Variants in ACOT7 observed in about 807,000 individuals in gnomAD.
The protein encoded by ACOT7 is cytosolic acyl coenzyme A thioester hydrolase.
ACOT7 carries 12 observed loss-of-function variants against 40.2 expected under a neutral mutation model. The observed-to-expected ratio is 0.30, with a 90% CI of 0.19 to 0.48. The LOEUF (loss-of-function observed/expected upper bound fraction) is 0.48. ACOT7 is among the 20% of genes least tolerant of loss of function. The probability of loss-of-function intolerance (pLI) is 0.99; values close to 1 mark genes in which losing one functional copy is unlikely to be tolerated. For missense variants in ACOT7, 395 were observed against 530.8 expected, an observed-to-expected ratio of 0.74 and a Z score of 2.51; for synonymous variants, 228 against 219.5, an observed-to-expected ratio of 1.04 and a Z score of -0.34.
rs561347085 is a variant in ACOT7 at position 6,304,725 on chromosome 1, C to G, written c.713-9745G>C. Among the ~76,000 whole-genome samples the G allele has an allele frequency of 8.3e-3, 1,094 of 132,334 alleles. 5 individuals are homozygous for G. Among genetic ancestry groups the G allele is most frequent in the Middle Eastern group, 0.042 (11 of 264 alleles). 86.8% of individuals were successfully genotyped at this position (132,334 alleles called of 152,430 possible). On this transcript the variant is annotated intron_variant, in intron 6 of 8. Coordinates refer to ENST00000361521, the MANE Select transcript of ACOT7 (RefSeq NM_007274.4). ...CAGGGTTGGGGGTAAGGTCACAGAT[C>G]AACAGGATCCCAAGGCAGAAGAATT... is the stretch of plus-strand genomic sequence containing the variant.
chr1:6,380,964 T>C (rs1254561082), intron 1 of ACOT7, among the ~76,000 whole-genome samples: 1 of 151,810 alleles, frequency 6.6e-6, no homozygotes, highest in African/African-American at 2.4e-5. Flanking sequence ...GGAGAAATTA[T>C]TTGCAAATCA....
intron 7 of ACOT7, among the ~76,000 whole-genome samples, chr1:6,281,973 C>T (rs1188725651): frequency 2.6e-5 from 4 of 152,176 alleles, no homozygotes; most frequent in East Asian, 3.9e-4. Context: ...CCAGAGTCCT[C>T]CATGCTCAAA....
rs1388684074 is a variant in ACOT7, at chr1:6,275,786, A to AC, written c.1014+5315_1014+5316insG. Among the ~76,000 whole-genome samples the AC allele has an allele frequency of 6.6e-6, 1 of 151,926 alleles. No individual in the cohort carries two copies. The highest frequency in any genetic ancestry group is 1.5e-5 in the Non-Finnish European group (1 of 67,998). ...ATTACTGCCTCCCACTTCCATCCAGAAAACATTTCGGTGGCTAAAGACTGA... is the reference window on the plus strand; with the variant it reads ...ATTACTGCCTCCCACTTCCATCCAGACAAACATTTCGGTGGCTAAAGACTGA... On this transcript the variant is annotated intron_variant, in intron 8 of 8. Transcript: ENST00000361521. The surrounding 1 kb of genome is among the most constrained non-coding windows in gnomAD (Gnocchi z 5.6).
At chr1:6,350,853 G>A (rs1412120707) in intron 1 of ACOT7, among the ~76,000 whole-genome samples, 1 of 152,172 alleles carries the variant, frequency 6.6e-6, no homozygotes, top group Non-Finnish European at 1.5e-5. Flanking sequence ...CCTGGCTCTG[G>A]CTCTTACTTG....
intron 3 of ACOT7, among the ~76,000 whole-genome samples, chr1:6,337,336 C>T (rs1047725975): frequency 6.6e-6 from 1 of 152,254 alleles, no homozygotes; most frequent in Non-Finnish European, 1.5e-5. Flanking sequence ...GCCTCTCCCC[C>T]TCTCAGCCCC....
At chr1:6,276,466 G>A (rs945144544) in intron 8 of ACOT7, among the ~76,000 whole-genome samples, 4 of 151,884 alleles carry the variant, frequency 2.6e-5, no homozygotes, top group Admixed American at 1.3e-4. Flanking sequence ...GAGCGGGTGC[G>A]GCAGCCCCCA....
intron 6 of ACOT7, among the ~76,000 whole-genome samples, chr1:6,296,447 G>A (rs1459894259): frequency 4.1e-5 from 6 of 147,580 alleles, no homozygotes; most frequent in East Asian, 2.0e-4. Flanking sequence ...TTTTTGAGAC[G>A]GAGTCTCGCA....
At chr1:6,267,472 C>T (rs1638886193) in intron 8 of ACOT7, among the ~76,000 whole-genome samples, 1 of 152,172 alleles carries the variant, frequency 6.6e-6, no homozygotes, top group Admixed American at 6.5e-5. Flanking sequence ...TGCCTGCCTG[C>T]CTGCCTGCCT....
At position 6,299,665 on chromosome 1, in the gene ACOT7, A is replaced by AGT. The variant is rs3838286; in HGVS notation, c.713-4687_713-4686dup. ...CAGAGAGAGAGAGAGAGAGAGCGCA[A>AGT]GTGTGTGTGTGTGTGTGTGTGTGTG... On this transcript the variant is annotated intron_variant, in intron 6 of 8. Transcript: ENST00000361521. The surrounding 1 kb of genome is among the most constrained non-coding windows in gnomAD (Gnocchi z 4.1). Among the ~76,000 whole-genome samples the AGT allele has an allele frequency of 0.081, 11,959 of 148,446 alleles. 934 individuals carry two copies. Among genetic ancestry groups the AGT allele is most frequent in the East Asian group, 0.47 (2,367 of 5,002 alleles).
At chr1:6,326,949 A>G (rs1233269292) in intron 5 of ACOT7, among the ~76,000 whole-genome samples, 1 of 151,258 alleles carries the variant, frequency 6.6e-6, no homozygotes, top group Non-Finnish European at 1.5e-5. Flanking sequence ...AAAAAAAAAG[A>G]AAAGAACAAG....
chr1:6,318,903 C>T (rs1334748621), intron 5 of ACOT7, among the ~76,000 whole-genome samples: 1 of 152,194 alleles, frequency 6.6e-6, no homozygotes, highest in Non-Finnish European at 1.5e-5. Context: ...TGACCCTCCA[C>T]CAGGCTCTAG....
At chr1:6,287,074 C>T (rs1639524464) in intron 7 of ACOT7, among the ~76,000 whole-genome samples, 2 of 152,250 alleles carry the variant, frequency 1.3e-5, no homozygotes, top group Admixed American at 1.3e-4. Flanking sequence ...GCATGAGCCA[C>T]CGCGCCCAGC....
chr1:6,365,508 A>T (rs903781686), intron 1 of ACOT7, among the ~76,000 whole-genome samples: 1 of 152,094 alleles, frequency 6.6e-6, no homozygotes, highest in Non-Finnish European at 1.5e-5. Context: ...GGTGGCTCAC[A>T]CCTGTAATCC....
chr1:6,393,172 G>A (rs1642563472), intron 1 of ACOT7, 85 bp downstream of exon 1: 2 of 1,187,422 alleles, frequency 1.7e-6, no homozygotes, highest in South Asian at 4.2e-5. Context: ...CTCGGCGGGT[G>A]GGGACCACAG....
At chr1:6,344,386 T>C (rs1429768698) in intron 2 of ACOT7, among the ~76,000 whole-genome samples, 2 of 152,176 alleles carry the variant, frequency 1.3e-5, no homozygotes, top group East Asian at 3.9e-4. Flanking sequence ...CGGGGACACC[T>C]GGTGATGGCT....
chr1:6,264,757 G>T, intron 8 of ACOT7, 62 bp from the exon 9 acceptor site: 2 of 1,555,530 alleles, frequency 1.3e-6, no homozygotes, highest in South Asian at 2.3e-5. Context: ...CCGTGGCCTT[G>T]TGACCTGGCC....
chr1:6,281,049 A>T (rs1639341751), intron 8 of ACOT7, 53 bp downstream of exon 8: 1 of 1,580,232 alleles, frequency 6.3e-7, no homozygotes, highest in Non-Finnish European at 8.6e-7. Flanking sequence ...AAACACAGGG[A>T]CCCTAGGGCT....
chr1:6,383,880 AT>A lies in ACOT7; in HGVS notation c.143+9376del, dbSNP rs546860289. Among the ~76,000 whole-genome samples, 164 of 151,338 alleles carry A rather than the reference AT, an allele frequency of 1.1e-3. 1 individual carries two copies. The highest frequency in any genetic ancestry group is 3.9e-3 in the African/African-American group (161 of 41,392). ...CCACCACACTCGGCTAATTTTTTGT[AT>A]TTTTGGTAAAGATGGGGTTTCCCTG... On this transcript the variant is annotated intron_variant, in intron 1 of 8. Transcript: ENST00000361521.
intron 8 of ACOT7, among the ~76,000 whole-genome samples, chr1:6,269,229 G>A (rs972300706): frequency 3.3e-5 from 5 of 152,174 alleles, no homozygotes; most frequent in Non-Finnish European, 2.9e-5. Flanking sequence ...CCTCCAGGTC[G>A]TCCTATGCCG....
Sources: gnomAD v4.1 joint callset for allele counts (sites outside exome capture counted in the v4.1 genomes callset) on GRCh38, gnomAD v4.1.1 for gene constraint, Gnocchi (gnomAD v3.1) non-coding constraint, MANE v1.5 for transcripts, NCBI Gene and HGNC (gene_info 2026-07-23, HGNC 2026-07-21) for gene names.